UNC79: variants seen among roughly 807,000 people sequenced by gnomAD.
UNC79 encodes the protein protein unc-79 homolog.
A neutral mutation model predicts 283.1 loss-of-function variants in UNC79; 37 were observed. That is an observed-to-expected ratio of 0.13 (90% CI 0.10 to 0.17). UNC79 has a LOEUF of 0.17. Ranked by LOEUF, UNC79 falls within the 10% of genes least tolerant of loss-of-function variation. UNC79 has a pLI of 1.00. For missense variants in UNC79, 2,272 were observed against 3,211.1 expected (o/e 0.71, Z 7.07); for synonymous variants, 1,107 against 1,200.2 (o/e 0.92, Z 1.61).
intron 1 of UNC79, among the ~76,000 whole-genome samples, chr14:93,339,518 T>C (rs8006463): frequency 0.37 from 56,697 of 152,012 alleles, 11,750 homozygotes; most frequent in African/African-American, 0.56. Context: ...CCAGGCTGGT[T>C]TCAAACTCCT....
rs2057709507 is a variant in UNC79 at position 93,474,846 on chromosome 14, TAA to T, written c.448+455_448+456del. Among the ~76,000 whole-genome samples, 1 of 152,186 alleles carries T rather than the reference TAA, an allele frequency of 6.6e-6. No homozygotes were observed. The highest frequency in any genetic ancestry group is 2.4e-5 in the African/African-American group (1 of 41,444). On this transcript the variant is annotated intron_variant, in intron 3 of 48. Transcript: ENST00000555664. The surrounding 1 kb of genome is among the most constrained non-coding windows in gnomAD (Gnocchi z 4.1). ...GACCCATTTTTTCCTGTCTCTTTAA[TAA>T]AGTCAGGAGGTTAGATGAGAAGTAA...
chr14:93,440,575 A>G lies in UNC79; in HGVS notation c.22+9524A>G, dbSNP rs1259320693. Among the ~76,000 whole-genome samples the G allele has an allele frequency of 4.1e-5, 6 of 147,164 alleles. No homozygotes were observed. The South Asian group carries it at 1.1e-3, about 26-fold the overall frequency. ...TATTGAGATAGGCATTTCATGCAAT[A>G]TATTTTTCTTTGACACTTCCTTTAG... On this transcript the variant is annotated intron_variant, in intron 1 of 48. Transcript: ENST00000555664.
At chr14:93,537,777 T>A (rs2061162927) in intron 11 of UNC79, among the ~76,000 whole-genome samples, 1 of 152,254 alleles carries the variant, frequency 6.6e-6, no homozygotes, top group Non-Finnish European at 1.5e-5. Context: ...AGAGCATTTC[T>A]ACTACTCACA....
At chr14:93,590,854 C>T (rs1227682525) in intron 22 of UNC79, among the ~76,000 whole-genome samples, 1 of 152,216 alleles carries the variant, frequency 6.6e-6, no homozygotes, top group Non-Finnish European at 1.5e-5. Context: ...CCGGAAGTTC[C>T]ATGAAGGCAC....
chr14:93,569,089 C>T (rs758638995), intron 14 of UNC79, among the ~76,000 whole-genome samples: 2 of 152,168 alleles, frequency 1.3e-5, no homozygotes, highest in South Asian at 4.1e-4. Flanking sequence ...AGTGAGGAGC[C>T]TCAATTCTGG....
At chr14:93,581,734 C>T (rs144578235) in intron 19 of UNC79, among the ~76,000 whole-genome samples, 26 of 151,866 alleles carry the variant, frequency 1.7e-4, no homozygotes, top group African/African-American at 5.6e-4. Flanking sequence ...CCTCGTGATC[C>T]GCCCACCTCG....
At chr14:93,333,194 C>T (rs534699099), upstream of UNC79, 4 of 400,156 alleles carry the variant, frequency 1.0e-5, no homozygotes, top group South Asian at 3.8e-4. Flanking sequence ...TCGCTGGATC[C>T]ATGGGAGCGG....
At chr14:93,580,149 A>C in exon 19 of UNC79, 1 of 1,608,772 alleles carries the variant, frequency 6.2e-7, no homozygotes, top group Non-Finnish European at 8.5e-7. Context: ...TGTCTTTCAG[A>C]TGGAGTTACA....
At chr14:93,619,563 G>A (rs1031943517) in intron 29 of UNC79, among the ~76,000 whole-genome samples, 1 of 152,094 alleles carries the variant, frequency 6.6e-6, no homozygotes, top group Non-Finnish European at 1.5e-5. Flanking sequence ...AATTTGATAG[G>A]CATTCCCATC....
intron 14 of UNC79, among the ~76,000 whole-genome samples, chr14:93,561,904 C>A (rs4625660): frequency 0.082 from 12,413 of 152,128 alleles, 544 homozygotes; most frequent in Middle Eastern, 0.15. Context: ...CAGAAGACAG[C>A]AGGGATGACC....
chr14:93,651,901 G>T (rs1354198588), intron 35 of UNC79, among the ~76,000 whole-genome samples: 1 of 146,920 alleles, frequency 6.8e-6, no homozygotes, highest in Non-Finnish European at 1.5e-5. Context: ...ACCATACCTG[G>T]CTAATTTTGT....
chr14:93,370,147 G>A (rs564281058), intron 1 of UNC79, among the ~76,000 whole-genome samples: 60 of 152,124 alleles, frequency 3.9e-4, no homozygotes, highest in Middle Eastern at 3.4e-3. Flanking sequence ...CACGATATCC[G>A]GCTATCAAGA....
At chr14:93,665,218 C>A (rs2072050539) in intron 40 of UNC79, among the ~76,000 whole-genome samples, 3 of 144,502 alleles carry the variant, frequency 2.1e-5, no homozygotes. Context: ...TAGATTTAGT[C>A]ATTTCAAAAA....
At chr14:93,579,467 A>C (rs1255304170) in intron 18 of UNC79, among the ~76,000 whole-genome samples, 1 of 152,102 alleles carries the variant, frequency 6.6e-6, no homozygotes, top group Non-Finnish European at 1.5e-5. Flanking sequence ...CTACTGATGG[A>C]ATACTTTCTC....
At chr14:93,559,984 G>A (rs1043504060) in intron 14 of UNC79, among the ~76,000 whole-genome samples, 1 of 152,100 alleles carries the variant, frequency 6.6e-6, no homozygotes, top group African/African-American at 2.4e-5. Context: ...GGCGGCTTGG[G>A]AACCTAGAGT....
rs550472409 is a variant in UNC79 at position 93,621,091 on chromosome 14, CGTTT to C, written c.4388-524_4388-521del. Reference sequence around the variant, plus strand: ...TTTATGCAGAAATGTTGTACTCTACCGTTTGTTTGGGGTGAAATCTTAATTTTAT... The same window carrying C: ...TTTATGCAGAAATGTTGTACTCTACCGTTTGGGGTGAAATCTTAATTTTAT... On this transcript the variant is annotated intron_variant, in intron 29 of 48. Coordinates refer to ENST00000555664, the Ensembl canonical transcript of UNC79. The surrounding 1 kb of genome is among the most constrained non-coding windows in gnomAD (Gnocchi z 4.8). The C allele has an allele frequency of 1.4e-4, 66 of 469,678 alleles. No individual in the cohort carries two copies. The highest frequency in any genetic ancestry group is 2.3e-4 in the Non-Finnish European group (54 of 237,970). 29.1% of individuals were successfully genotyped at this position (469,678 alleles called of 1,614,324 possible). A position where few individuals can be genotyped will look rare whatever the true frequency, so the allele number is the denominator to read the frequency against.
At chr14:93,504,480 T>G (rs2059438449) in intron 7 of UNC79, among the ~76,000 whole-genome samples, 3 of 151,900 alleles carry the variant, frequency 2.0e-5, no homozygotes, top group African/African-American at 7.3e-5. Flanking sequence ...ACATGGTATA[T>G]CTCTTCATTT....
intron 32 of UNC79, among the ~76,000 whole-genome samples, chr14:93,637,583 G>T (rs1353033260): frequency 1.3e-5 from 2 of 152,080 alleles, no homozygotes; most frequent in Admixed American, 6.5e-5. Context: ...GCCTCCCGAG[G>T]AGTAGCTGGG....
chr14:93,433,514 A>C (rs1366465395), intron 1 of UNC79, among the ~76,000 whole-genome samples: 1 of 152,136 alleles, frequency 6.6e-6, no homozygotes, highest in Non-Finnish European at 1.5e-5. Flanking sequence ...AAGTTTAGCT[A>C]CGTGTAAGGA....
Sources: gnomAD v4.1 joint callset for allele counts (sites outside exome capture counted in the v4.1 genomes callset) on GRCh38, gnomAD v4.1.1 for gene constraint, Gnocchi (gnomAD v3.1) non-coding constraint, MANE v1.5 for transcripts, NCBI Gene and HGNC (gene_info 2026-07-23, HGNC 2026-07-21) for gene names.